The following AGBL1 variants were observed in gnomAD, a reference collection of about 807,000 sequenced individuals.
AGBL1 encodes AGBL carboxypeptidase 1, also known as cytosolic carboxypeptidase 4.
Under a neutral mutation model 118.9 loss-of-function variants are expected in AGBL1, and 130 were observed. The observed-to-expected ratio is 1.09, with a 90% CI of 0.95 to 1.26. The LOEUF is 1.26. Ranked by LOEUF, AGBL1 falls within the 50% of genes most tolerant of loss-of-function variation. AGBL1 has a pLI of 0.00. For synonymous variants in AGBL1, 555 were observed against 478.9 expected (o/e 1.16, Z -2.08); for missense variants, 1,584 against 1,298.1 (o/e 1.22, Z -3.38).
rs142155369 is a variant in AGBL1, at chr15:86,511,510, T to A, written c.2556-11300T>A. ...TTCTTATAAGTAACTGTCCTCTCTG[T>A]TACATAGTTTACTCTTTATTCAGAG... On this transcript the variant is annotated intron_variant, in intron 18 of 22. Transcript: ENST00000614907. Among the ~76,000 whole-genome samples, 18 of 152,174 alleles carry A rather than the reference T, an allele frequency of 1.2e-4. No homozygotes were observed. In the East Asian group the frequency reaches 3.3e-3, roughly 28 times the overall value.
At chr15:86,955,990 T>C (rs773985156) in intron 23 of AGBL1, among the ~76,000 whole-genome samples, 4 of 152,160 alleles carry the variant, frequency 2.6e-5, no homozygotes, top group East Asian at 1.9e-4. Flanking sequence ...TAAGTATACA[T>C]GTGCATGCTG....
intron 21 of AGBL1, among the ~76,000 whole-genome samples, chr15:86,656,595 G>A (rs1274543057): frequency 1.3e-5 from 2 of 152,148 alleles, no homozygotes; most frequent in East Asian, 3.8e-4. Context: ...AAGTAATAAA[G>A]TATCTCTTAA....
chr15:86,597,756 A>G (rs1274083842), intron 21 of AGBL1, among the ~76,000 whole-genome samples: 2 of 152,108 alleles, frequency 1.3e-5, no homozygotes, highest in African/African-American at 4.8e-5. Flanking sequence ...GCAGTTAGGT[A>G]TTTGGAAAGC....
intron 21 of AGBL1, among the ~76,000 whole-genome samples, chr15:86,623,194 G>T (rs986397984): frequency 6.6e-5 from 10 of 152,200 alleles, no homozygotes; most frequent in Admixed American, 1.3e-4. Context: ...AGAAGGAATC[G>T]CAAGTGCAAA....
intron 22 of AGBL1, among the ~76,000 whole-genome samples, chr15:86,875,778 C>T (rs541973602): frequency 3.5e-4 from 53 of 152,186 alleles, no homozygotes; most frequent in Non-Finnish European, 6.3e-4. Context: ...TTAACCATTA[C>T]GAATGGGGTA....
intron 24 of AGBL1, among the ~76,000 whole-genome samples, chr15:87,000,051 T>A (rs2081420683): frequency 1.1e-5 from 1 of 87,528 alleles, no homozygotes; most frequent in Non-Finnish European, 2.7e-5. Flanking sequence ...GTTCATGTCC[T>A]TCGCCCACTT....
chr15:86,706,745 G>T (rs889695549), intron 22 of AGBL1, among the ~76,000 whole-genome samples: 3 of 151,998 alleles, frequency 2.0e-5, no homozygotes, highest in Admixed American at 2.0e-4. Flanking sequence ...TTTATCTTCT[G>T]TCTTTGAGGA....
intron 23 of AGBL1, among the ~76,000 whole-genome samples, chr15:86,937,672 A>C (rs1363778470): frequency 6.6e-6 from 1 of 152,204 alleles, no homozygotes; most frequent in African/African-American, 2.4e-5. Context: ...AAGGAGGGAG[A>C]GGAGCAGAAA....
intron 22 of AGBL1, among the ~76,000 whole-genome samples, chr15:86,727,189 C>G (rs947174880): frequency 8.6e-5 from 13 of 152,020 alleles, no homozygotes; most frequent in Non-Finnish European, 1.8e-4. Context: ...GTGATTGCAC[C>G]ATTTAAATGT....
intron 18 of AGBL1, among the ~76,000 whole-genome samples, chr15:86,481,625 C>T (rs1224242401): frequency 6.6e-6 from 1 of 152,136 alleles, no homozygotes; most frequent in Non-Finnish European, 1.5e-5. Flanking sequence ...TTAAGAACAG[C>T]AGTGTCATGA....
intron 24 of AGBL1, among the ~76,000 whole-genome samples, chr15:87,028,533 T>A (rs1048591918): frequency 6.6e-6 from 1 of 151,878 alleles, no homozygotes; most frequent in Non-Finnish European, 1.5e-5. Flanking sequence ...TTTTAAATCA[T>A]CCATTCATTA....
chr15:86,212,622 C>T (rs1380820113), intron 5 of AGBL1, among the ~76,000 whole-genome samples: 1 of 152,130 alleles, frequency 6.6e-6, no homozygotes, highest in Non-Finnish European at 1.5e-5. Context: ...TAAATCCCAT[C>T]CTTTAAAGAA....
chr15:86,840,877 A>C (rs769700141), intron 22 of AGBL1, among the ~76,000 whole-genome samples: 1 of 152,204 alleles, frequency 6.6e-6, no homozygotes, highest in Non-Finnish European at 1.5e-5. Context: ...TGTCCCAACC[A>C]TGCTATTTCT....
At chr15:86,150,219 T>C (rs1039890661) in intron 3 of AGBL1, among the ~76,000 whole-genome samples, 1 of 151,966 alleles carries the variant, frequency 6.6e-6, no homozygotes, top group Non-Finnish European at 1.5e-5. Context: ...CTAAAAGAAC[T>C]AGAGAAACAA....
intron 3 of AGBL1, among the ~76,000 whole-genome samples, chr15:86,149,928 T>A (rs549982575): frequency 6.6e-6 from 1 of 152,146 alleles, no homozygotes; most frequent in African/African-American, 2.4e-5. Context: ...ACAAACTGTC[T>A]CTCAGACCAC....
intron 6 of AGBL1, among the ~76,000 whole-genome samples, chr15:86,230,455 A>G (rs976941681): frequency 3.9e-5 from 6 of 152,214 alleles, no homozygotes; most frequent in Non-Finnish European, 8.8e-5. Context: ...ATGACCATGC[A>G]CAAGTACCAG....
At chr15:86,113,191 C>T (rs947636212) in intron 1 of AGBL1, among the ~76,000 whole-genome samples, 1 of 142,554 alleles carries the variant, frequency 7.0e-6, no homozygotes, top group Non-Finnish European at 1.6e-5. Flanking sequence ...GTACCGTTCA[C>T]CTCTTTATTT....
rs756313941 is a variant in AGBL1, at chr15:86,196,879, G to GCGCGCGCACACACACA, written c.489-28034_489-28033insGCGCGCACACACACAC. On this transcript the variant is annotated intron_variant, in intron 5 of 22. Transcript: ENST00000614907. ...CGAATGTGCACATGTGCGCGCGCGCGCACACACACACACACACACACACAC... is the reference window on the plus strand; with the variant it reads ...CGAATGTGCACATGTGCGCGCGCGCGCGCGCGCACACACACACACACACACACACACACACACACAC... Among the ~76,000 whole-genome samples the GCGCGCGCACACACACA allele has an allele frequency of 2.5e-3, 288 of 116,964 alleles. 1 individual carries two copies. The highest frequency in any genetic ancestry group is 9.0e-3 in the African/African-American group (249 of 27,612). 76.7% of individuals were successfully genotyped at this position (116,964 alleles called of 152,430 possible).
At chr15:86,352,664 T>C (rs1004278680) in intron 17 of AGBL1, among the ~76,000 whole-genome samples, 2 of 152,110 alleles carry the variant, frequency 1.3e-5, no homozygotes, top group Non-Finnish European at 2.9e-5. Flanking sequence ...GTATTTTTAG[T>C]AGAGATGGGG....
Sources: gnomAD v4.1 joint callset for allele counts (sites outside exome capture counted in the v4.1 genomes callset) on GRCh38, gnomAD v4.1.1 for gene constraint, MANE v1.5 for transcripts, NCBI Gene and HGNC (gene_info 2026-07-23, HGNC 2026-07-21) for gene names.